Variants in SORCS2 observed in about 807,000 individuals in gnomAD.
The protein encoded by SORCS2 is sortilin related VPS10 domain containing receptor 2, also known as VPS10 domain-containing receptor SorCS2.
In SORCS2, 100 loss-of-function variants were observed where a neutral mutation model predicts 141.6. The observed-to-expected ratio is 0.71, with a 90% CI of 0.60 to 0.83. The LOEUF (loss-of-function observed/expected upper bound fraction) is 0.83. Among genes scored for constraint, SORCS2 ranks in the 40% least tolerant of loss-of-function variants. SORCS2 has a pLI of 0.00. For synonymous variants in SORCS2, 789 were observed against 676.9 expected (o/e 1.17, Z -2.57); for missense variants, 1,646 against 1,560.2 (o/e 1.05, Z -0.93).
At chr4:7,562,018 C>G (rs1224759316) in intron 3 of SORCS2, among the ~76,000 whole-genome samples, 1 of 152,258 alleles carries the variant, frequency 6.6e-6, no homozygotes, top group Non-Finnish European at 1.5e-5. Context: ...CGTACTTGAT[C>G]TGTACAAAGC....
At chr4:7,711,008 A>T (rs953102178) in intron 14 of SORCS2, among the ~76,000 whole-genome samples, 25 of 152,208 alleles carry the variant, frequency 1.6e-4, no homozygotes, top group Non-Finnish European at 2.8e-4. Context: ...CGTGGCAGGA[A>T]TGCGGGATGG....
At chr4:7,434,307 G>A (rs1186583993) in intron 2 of SORCS2, 6 of 1,611,782 alleles carry the variant, frequency 3.7e-6, no homozygotes, top group Non-Finnish European at 5.1e-6. Context: ...GGAGTCGGGA[G>A]ACCTGCCGTA....
At chr4:7,613,753 C>G (rs1039992871) in intron 3 of SORCS2, among the ~76,000 whole-genome samples, 29 of 152,158 alleles carry the variant, frequency 1.9e-4, no homozygotes, top group Admixed American at 1.8e-3. Flanking sequence ...GCCCTACCAT[C>G]CTTACACTTG....
rs1712708358 is a variant in SORCS2 at position 7,741,922 on chromosome 4, G to C, written c.*1658G>C. 1 of 152,290 alleles carries C rather than the reference G, an allele frequency of 6.6e-6. No homozygotes were observed. Among genetic ancestry groups the C allele is most frequent in the Non-Finnish European group, 1.5e-5 (1 of 68,106 alleles). The allele number at this position is 152,290 out of a possible 1,614,324, so 9.4% of individuals were successfully genotyped here. A position where few individuals can be genotyped will look rare whatever the true frequency, so the allele number is the denominator to read the frequency against. On this transcript the variant is annotated 3_prime_UTR_variant, in exon 27 of 27. Transcript: ENST00000507866. ...GGAGGAGGCACCCGCTCCTTGTTGA[G>C]TAAAACCACCCATGGAGACTGGAAC...
Position 7,394,957 on chromosome 4 carries a change from A to G in SORCS2, c.481-1331A>G, listed in dbSNP as rs918752921. Among the ~76,000 whole-genome samples, 118 of 152,158 alleles carry G rather than the reference A, an allele frequency of 7.8e-4. 1 individual carries two copies. Among genetic ancestry groups the G allele is most frequent in the African/African-American group, 2.7e-3 (113 of 41,442 alleles). On this transcript the variant is annotated intron_variant, in intron 1 of 26. Coordinates refer to ENST00000507866, the MANE Select transcript of SORCS2 (RefSeq NM_020777.3). ...AATCCCCTCTGGGAACAGCGTGACT[A>G]TATCAAATATGAATCAATGGGTTAA... is the stretch of plus-strand genomic sequence containing the variant.
chr4:7,203,197 C>A (rs372554055), intron 1 of SORCS2, among the ~76,000 whole-genome samples: 1 of 152,136 alleles, frequency 6.6e-6, no homozygotes, highest in Non-Finnish European at 1.5e-5. Flanking sequence ...TTTGGGAGGC[C>A]GAGGCAGGTG....
At chr4:7,309,747 G>A (rs112971440) in intron 1 of SORCS2, among the ~76,000 whole-genome samples, 2,751 of 152,300 alleles carry the variant, frequency 0.018, 43 homozygotes, top group Middle Eastern at 0.068. Flanking sequence ...GGGGACGAGA[G>A]TTGGCCCAGC....
At chr4:7,738,186 G>A (rs1228260191) in intron 26 of SORCS2, among the ~76,000 whole-genome samples, 1 of 152,244 alleles carries the variant, frequency 6.6e-6, no homozygotes, top group Admixed American at 6.5e-5. Flanking sequence ...CTCTGGATGA[G>A]GGGGGAAACT....
At chr4:7,422,961 A>G (rs1726184312) in intron 2 of SORCS2, among the ~76,000 whole-genome samples, 1 of 151,926 alleles carries the variant, frequency 6.6e-6, no homozygotes, top group African/African-American at 2.4e-5. Context: ...TAAAGGCCCT[A>G]GTATGTACCC....
At chr4:7,327,403 G>A (rs907545299) in intron 1 of SORCS2, among the ~76,000 whole-genome samples, 3 of 152,172 alleles carry the variant, frequency 2.0e-5, no homozygotes, top group Non-Finnish European at 2.9e-5. Flanking sequence ...CCAGACCTCC[G>A]CTCCTCTCTT....
chr4:7,531,749 A>C (rs1378505037), intron 3 of SORCS2, 120 bp downstream of exon 3: 1 of 980,728 alleles, frequency 1.0e-6, no homozygotes, highest in East Asian at 2.6e-5. Context: ...CCGGAGTGTG[A>C]GATGTTTCCC....
At position 7,689,343 on chromosome 4, in the gene SORCS2, A is replaced by G. The variant is rs1724068662; in HGVS notation, c.1489-143A>G. ...AAGGTCAGCCTCACACCTGCTTCCC[A>G]TCCTCCATCCGTTCCTCCAAGGCAC... On this transcript the variant is annotated intron_variant, in intron 10 of 26. Coordinates refer to ENST00000507866, the MANE Select transcript of SORCS2 (RefSeq NM_020777.3). 4 of 689,402 alleles carry G rather than the reference A, an allele frequency of 5.8e-6. No individual in the cohort carries two copies. In the East Asian group the frequency reaches 1.1e-4, roughly 19 times the overall value. 42.7% of individuals were successfully genotyped at this position (689,402 alleles called of 1,614,324 possible). A position where few individuals can be genotyped will look rare whatever the true frequency, so the allele number is the denominator to read the frequency against.
chr4:7,369,780 C>T (rs1722132988), intron 1 of SORCS2, among the ~76,000 whole-genome samples: 1 of 152,202 alleles, frequency 6.6e-6, no homozygotes, highest in African/African-American at 2.4e-5. Flanking sequence ...TGGATTTCGT[C>T]AGCGCATCTT....
chr4:7,328,795 C>T (rs1466108203), intron 1 of SORCS2, among the ~76,000 whole-genome samples: 2 of 152,230 alleles, frequency 1.3e-5, no homozygotes, highest in Admixed American at 6.5e-5. Flanking sequence ...AGGGGCTACC[C>T]TCAGCACTTG....
intron 2 of SORCS2, among the ~76,000 whole-genome samples, chr4:7,511,136 A>G (rs551381882): frequency 1.2e-4 from 19 of 152,272 alleles, no homozygotes; most frequent in Admixed American, 1.2e-3. Flanking sequence ...AGAGAAGGAC[A>G]GATCAAGAGA....
At chr4:7,312,732 A>G (rs1718262602) in intron 1 of SORCS2, among the ~76,000 whole-genome samples, 1 of 152,100 alleles carries the variant, frequency 6.6e-6, no homozygotes. Flanking sequence ...CGGGGACAAG[A>G]CGGAGCAAAT....
chr4:7,480,225 CGA>C (rs1560319119), intron 2 of SORCS2, among the ~76,000 whole-genome samples: 1 of 152,144 alleles, frequency 6.6e-6, no homozygotes. Flanking sequence ...GTGTTGAGCC[CGA>C]GAGTCTCTGA....
chr4:7,695,555 GATGGATGC>G (rs1283239904), intron 11 of SORCS2, among the ~76,000 whole-genome samples: 782 of 8,236 alleles, frequency 0.095, 189 homozygotes, highest in Non-Finnish European at 0.13. Context: ...TGGATGGATG[GATGGATGC>G]ATGGATGGAT....
intron 1 of SORCS2, among the ~76,000 whole-genome samples, chr4:7,391,535 C>T (rs1242780827): frequency 6.6e-6 from 1 of 152,088 alleles, no homozygotes; most frequent in Non-Finnish European, 1.5e-5. Context: ...GGCTCCATGG[C>T]CGGCCTAGGG....
Sources: allele counts gnomAD v4.1 joint callset (sites outside exome capture counted in the v4.1 genomes callset), GRCh38; gene constraint gnomAD v4.1.1; transcripts MANE v1.5; gene names NCBI Gene and HGNC (gene_info 2026-07-23, HGNC 2026-07-21).